TGFBR1: variants seen among roughly 807,000 people sequenced by gnomAD.
TGFBR1 encodes the protein transforming growth factor beta receptor 1, also known as TGF-beta receptor type-1.
In TGFBR1, 20 loss-of-function variants were observed where a neutral mutation model predicts 55.1. That is an observed-to-expected ratio of 0.36 (90% CI 0.26 to 0.53). The LOEUF (loss-of-function observed/expected upper bound fraction) is 0.53. Among genes scored for constraint, TGFBR1 ranks in the 20% least tolerant of loss-of-function variants. TGFBR1 has a pLI of 0.91. For missense variants in TGFBR1, 385 were observed against 617.6 expected (o/e 0.62, Z 3.99); for synonymous variants, 220 against 214.8 (o/e 1.02, Z -0.21).
intron 1 of TGFBR1, among the ~76,000 whole-genome samples, chr9:99,114,217 G>C (rs766668307): frequency 6.6e-6 from 1 of 152,094 alleles, no homozygotes; most frequent in Non-Finnish European, 1.5e-5. Flanking sequence ...CAAATCTACT[G>C]ACCACAAAAG....
intron 3 of TGFBR1, among the ~76,000 whole-genome samples, chr9:99,135,852 C>CTTT (rs397954803): frequency 5.6e-5 from 7 of 125,938 alleles, no homozygotes; most frequent in African/African-American, 1.2e-4. Flanking sequence ...AAAATTGTTA[C>CTTT]TTTTTTTTTT....
At chr9:99,122,995 CAGACTATATATATAA>C (rs1405906746) in intron 1 of TGFBR1, among the ~76,000 whole-genome samples, 1 of 152,100 alleles carries the variant, frequency 6.6e-6, no homozygotes, top group Non-Finnish European at 1.5e-5. Flanking sequence ...AAATTACCTT[CAGACTATATATATAA>C]AGCATATATG....
chr9:99,125,305 G>A (rs751664674), intron 1 of TGFBR1, among the ~76,000 whole-genome samples: 1 of 152,186 alleles, frequency 6.6e-6, no homozygotes, highest in Non-Finnish European at 1.5e-5. Context: ...GTTTTACTGA[G>A]ATGTCATCCA....
Position 99,151,226 on chromosome 9 carries a change from G to C in TGFBR1, c.*1921G>C. ...AAAAACATCATGGGAAAAATGCTTAGAGGTTACTATTTTGACTACAAAGTT... is the reference window on the plus strand; with the variant it reads ...AAAAACATCATGGGAAAAATGCTTACAGGTTACTATTTTGACTACAAAGTT... On this transcript the variant is annotated 3_prime_UTR_variant, in exon 9 of 9. Transcript: ENST00000374994. 8.6e-6 allele frequency: 2 copies of C among 231,620 alleles called. No individual in the cohort carries two copies. The highest frequency in any genetic ancestry group is 1.7e-5 in the Non-Finnish European group (2 of 117,072). The allele number at this position is 231,620 out of a possible 1,614,324, so 14.3% of individuals were successfully genotyped here. A position where few individuals can be genotyped will look rare whatever the true frequency, so the allele number is the denominator to read the frequency against.
At chr9:99,141,622 T>C (rs539400423) in intron 4 of TGFBR1, among the ~76,000 whole-genome samples, 18 of 152,336 alleles carry the variant, frequency 1.2e-4, no homozygotes, top group Non-Finnish European at 8.8e-5. Context: ...TCCAACCAGG[T>C]TAGAATGACT....
At chr9:99,140,286 C>T (rs1226809931) in intron 4 of TGFBR1, among the ~76,000 whole-genome samples, 1 of 152,130 alleles carries the variant, frequency 6.6e-6, no homozygotes, top group Non-Finnish European at 1.5e-5. Context: ...AACCCCATCT[C>T]TACTAAAAAT....
chr9:99,140,531 C>T (rs1279172132), intron 4 of TGFBR1, among the ~76,000 whole-genome samples: 3 of 152,016 alleles, frequency 2.0e-5, no homozygotes, highest in Non-Finnish European at 2.9e-5. Flanking sequence ...TTCTCATTTT[C>T]GTTTCTGCCT....
At chr9:99,109,465 T>C (rs552280609) in intron 1 of TGFBR1, among the ~76,000 whole-genome samples, 6 of 152,212 alleles carry the variant, frequency 3.9e-5, no homozygotes, top group Non-Finnish European at 7.4e-5. Flanking sequence ...GGGCCGCTCA[T>C]GTAGGGAAGA....
At position 99,153,284 on chromosome 9, in the gene TGFBR1, C is replaced by T; in HGVS notation, c.*3979C>T. ...TATAAAGTATGGGTATTATGTTGCT[C>T]AGTTACTCAAATGGTACTGTATTGT... On this transcript the variant is annotated 3_prime_UTR_variant, in exon 9 of 9. Coordinates refer to ENST00000374994, the MANE Select transcript of TGFBR1 (RefSeq NM_004612.4). 4.5e-6 allele frequency: 1 copy of T among 220,516 alleles called. No individual in the cohort carries two copies. Among genetic ancestry groups the T allele is most frequent in the East Asian group, 6.7e-5 (1 of 14,962 alleles). 13.7% of individuals were successfully genotyped at this position (220,516 alleles called of 1,614,324 possible).
chr9:99,118,646 T>TC lies in TGFBR1; in HGVS notation c.98-10209_98-10208insC, dbSNP rs199874296. 1.1e-3 allele frequency among the ~76,000 whole-genome samples: 163 copies of TC among 145,692 alleles called. 1 individual carries two copies. Among genetic ancestry groups the TC allele is most frequent in the African/African-American group, 1.7e-3 (69 of 39,928 alleles). On this transcript the variant is annotated intron_variant, in intron 1 of 8. Coordinates refer to ENST00000374994, the MANE Select transcript of TGFBR1 (RefSeq NM_004612.4). ...AAACTCCCTTACTGTTTTCTTTCTT[T>TC]TTTTTTTTTTTTTTTTTGAGACAGG... is the stretch of plus-strand genomic sequence containing the variant.
rs1827373509 is a variant in TGFBR1 at position 99,134,805 on chromosome 9, TATATATATATATATATATATA to T, written c.574+2067_574+2087del. 9.3e-3 allele frequency among the ~76,000 whole-genome samples: 296 copies of T among 31,796 alleles called. 17 individuals are homozygous for T. Among genetic ancestry groups the T allele is most frequent in the Non-Finnish European group, 0.014 (208 of 15,240 alleles). The allele number at this position is 31,796 out of a possible 152,430, so 20.9% of individuals were successfully genotyped here. A position where few individuals can be genotyped will look rare whatever the true frequency, so the allele number is the denominator to read the frequency against. On this transcript the variant is annotated intron_variant, in intron 3 of 8. Coordinates refer to ENST00000374994, the MANE Select transcript of TGFBR1 (RefSeq NM_004612.4). ...CAATGGAATAATTCTGTTTCCATTATATATATATATATATATATATATATATATATATATATATATATATAT... is the reference window on the plus strand; with the variant it reads ...CAATGGAATAATTCTGTTTCCATTATTATATATATATATATATATATATAT...
chr9:99,142,495 A>C, intron 4 of TGFBR1, 41 bp from the exon 5 acceptor site: 1 of 1,611,918 alleles, frequency 6.2e-7, no homozygotes, highest in Non-Finnish European at 8.5e-7. Flanking sequence ...TAAATCATAA[A>C]TGGTCTGCAG....
intron 3 of TGFBR1, among the ~76,000 whole-genome samples, chr9:99,136,362 T>C (rs1460696796): frequency 6.6e-6 from 1 of 152,242 alleles, no homozygotes; most frequent in Non-Finnish European, 1.5e-5. Context: ...TCAGAATTTG[T>C]GTTTGTGATT....
chr9:99,140,678 CT>C (rs1827588516), intron 4 of TGFBR1, among the ~76,000 whole-genome samples: 1 of 152,180 alleles, frequency 6.6e-6, no homozygotes. Flanking sequence ...ACTCTTCTCA[CT>C]GGTTCATATG....
At position 99,149,168 on chromosome 9, in the gene TGFBR1, ATTTTC is replaced by A; in HGVS notation, c.1387-9_1387-5del. On this transcript the variant is annotated splice_region_variant and splice_polypyrimidine_tract_variant and intron_variant, in intron 8 of 8. Transcript: ENST00000374994. ...TGCATGCATTAATTTTTTTTTTTAT[ATTTTC>A]TTGTAGGCCTTGAGAGTAATGGCTA... 2 of 1,577,720 alleles carry A rather than the reference ATTTTC, an allele frequency of 1.3e-6. No homozygotes were observed. Among genetic ancestry groups the A allele is most frequent in the East Asian group, 2.3e-5 (1 of 42,688 alleles).
In TGFBR1 at chr9:99,151,310, T is replaced by G. The variant is rs144216869; in HGVS notation, c.*2005T>G. 101 of 231,704 alleles carry G rather than the reference T, an allele frequency of 4.4e-4. No individual in the cohort carries two copies. The highest frequency in any genetic ancestry group is 1.3e-3 in the Middle Eastern group (1 of 774). The allele number at this position is 231,704 out of a possible 1,614,324, so 14.4% of individuals were successfully genotyped here. A position where few individuals can be genotyped will look rare whatever the true frequency, so the allele number is the denominator to read the frequency against. ...AAGCAAATGAATGAGTTTGAGAGGTTTGTTTTTATAGTTGTGTTGTATTAC... is the reference window on the plus strand; with the variant it reads ...AAGCAAATGAATGAGTTTGAGAGGTGTGTTTTTATAGTTGTGTTGTATTAC... On this transcript the variant is annotated 3_prime_UTR_variant, in exon 9 of 9. Coordinates refer to ENST00000374994, the MANE Select transcript of TGFBR1 (RefSeq NM_004612.4).
intron 1 of TGFBR1, among the ~76,000 whole-genome samples, chr9:99,122,138 A>C (rs1826914930): frequency 6.6e-6 from 1 of 152,080 alleles, no homozygotes; most frequent in South Asian, 2.1e-4. Flanking sequence ...TCTGAACTGG[A>C]GGAAGATGGG....
At position 99,137,938 on chromosome 9, in the gene TGFBR1, A is replaced by C. The variant is rs2118712480; in HGVS notation, c.654A>C (p.Glu218Asp). The C allele has an allele frequency of 6.2e-7, 1 of 1,614,094 alleles. No individual in the cohort carries two copies. Among genetic ancestry groups the C allele is most frequent in the Middle Eastern group, 1.7e-4 (1 of 6,060 alleles). ...GCATTGGCAAAGGTCGATTTGGAGA[A>C]GTTTGGAGAGGAAAGTGGCGGGGAG... is the stretch of plus-strand genomic sequence containing the variant. Reference protein sequence around the residue: ...QESIGKGRFGEVWRGKWRGEE... With the variant: ...QESIGKGRFGDVWRGKWRGEE... The change falls in exon 4 of 9, where the codon GAA becomes GAC. Residue 218 changes from glutamate (E) to aspartate (D), a missense_variant. Around this residue, in one of 5 missense-constraint regions of TGFBR1, gnomAD observed 85 missense variants for 228.4 expected, o/e 0.37. Transcript: ENST00000374994.
In TGFBR1 at chr9:99,153,306, T is replaced by C. The variant is rs967027110; in HGVS notation, c.*4001T>C. The C allele has an allele frequency of 1.8e-5, 4 of 218,980 alleles. No homozygotes were observed. Among genetic ancestry groups the C allele is most frequent in the Non-Finnish European group, 3.7e-5 (4 of 108,754 alleles). The allele number at this position is 218,980 out of a possible 1,614,324, so 13.6% of individuals were successfully genotyped here. A position where few individuals can be genotyped will look rare whatever the true frequency, so the allele number is the denominator to read the frequency against. On this transcript the variant is annotated 3_prime_UTR_variant, in exon 9 of 9. Transcript: ENST00000374994. ...GCTCAGTTACTCAAATGGTACTGTATTGTTTATATTTGTACCCCAAATAAC... is the reference window on the plus strand; with the variant it reads ...GCTCAGTTACTCAAATGGTACTGTACTGTTTATATTTGTACCCCAAATAAC...
Sources: gnomAD v4.1 joint callset for allele counts (sites outside exome capture counted in the v4.1 genomes callset) on GRCh38, gnomAD v4.1.1 for gene constraint, gnomAD v4.1.1 regional missense constraint, MANE v1.5 for transcripts, NCBI Gene and HGNC (gene_info 2026-07-23, HGNC 2026-07-21) for gene names.